KIAA1191: variants seen among roughly 807,000 people sequenced by gnomAD.
The protein encoded by KIAA1191 is putative monooxygenase p33MONOX.
Under a neutral mutation model 31.1 loss-of-function variants are expected in KIAA1191, and 22 were observed. That is an observed-to-expected ratio of 0.71 (90% CI 0.51 to 1.01). The LOEUF (loss-of-function observed/expected upper bound fraction) is 1.01. Among genes scored for constraint, KIAA1191 ranks in the 50% least tolerant of loss-of-function variants. KIAA1191 has a pLI of 0.00. For synonymous variants in KIAA1191, 130 were observed against 143.9 expected, an observed-to-expected ratio of 0.90 and a Z score of 0.69; for missense variants, 319 against 388.0, an observed-to-expected ratio of 0.82 and a Z score of 1.49.
In KIAA1191 at chr5:176,355,773, G is replaced by T; in HGVS notation, c.29-24C>A. The T allele has an allele frequency of 6.2e-7, 1 of 1,611,420 alleles. No homozygotes were observed. The highest frequency in any genetic ancestry group is 8.5e-7 in the Non-Finnish European group (1 of 1,177,748). ...AGCTAAGAACAGAGACACCTGTCAA[G>T]ACAGGTTCAGCAACTGGACATACTA... On this transcript the variant is annotated intron_variant, in intron 3 of 8. Transcript: ENST00000298569. This position sits in a 1 kb window ranked among gnomAD's most constrained non-coding sequence, Gnocchi z 4.2.
Position 176,347,522 on chromosome 5 carries a change from T to C in KIAA1191, c.*78A>G, listed in dbSNP as rs373103117. The C allele has an allele frequency of 1.2e-5, 15 of 1,202,436 alleles. No individual in the cohort carries two copies. The African/African-American group carries it at 1.7e-4, about 14-fold the overall frequency. The allele number at this position is 1,202,436 out of a possible 1,614,324, so 74.5% of individuals were successfully genotyped here. On this transcript the variant is annotated 3_prime_UTR_variant, in exon 9 of 9. Coordinates refer to ENST00000298569, the MANE Select transcript of KIAA1191 (RefSeq NM_020444.5). ...AGCTGATTAAGTTTTTAAATATACCTTTCCTATGTCAAAGCCAAGGTAAAA... is the reference window on the plus strand; with the variant it reads ...AGCTGATTAAGTTTTTAAATATACCCTTCCTATGTCAAAGCCAAGGTAAAA...
At chr5:176,350,462 G>T in intron 6 of KIAA1191, 151 bp downstream of exon 6, 1 of 906,372 alleles carries the variant, frequency 1.1e-6, no homozygotes, top group Non-Finnish European at 1.7e-6. Flanking sequence ...CACTGTATAG[G>T]TGGATAAGCA....
intron 4 of KIAA1191, among the ~76,000 whole-genome samples, chr5:176,354,886 A>G (rs1311290163): frequency 6.6e-6 from 1 of 152,086 alleles, no homozygotes; most frequent in African/African-American, 2.4e-5. Context: ...TATCAGGAGG[A>G]CGGAGATGTC....
intron 3 of KIAA1191, among the ~76,000 whole-genome samples, chr5:176,359,178 G>C (rs1464778807): frequency 6.6e-6 from 1 of 151,192 alleles, no homozygotes; most frequent in African/African-American, 2.4e-5. Context: ...AATTAGCTGG[G>C]TGTGGTGGCG....
intron 4 of KIAA1191, among the ~76,000 whole-genome samples, chr5:176,354,988 G>C (rs565012765): frequency 6.6e-5 from 10 of 152,308 alleles, no homozygotes; most frequent in Non-Finnish European, 1.3e-4. Context: ...GAGAGGACAG[G>C]ATGTGGATGG....
At position 176,355,842 on chromosome 5, in the gene KIAA1191, C is replaced by A; in HGVS notation, c.29-93G>T. On this transcript the variant is annotated intron_variant, in intron 3 of 8. Transcript: ENST00000298569. This position sits in a 1 kb window ranked among gnomAD's most constrained non-coding sequence, Gnocchi z 4.2. ...ACAGGAAGGAAAGCTCTGAAATACT[C>A]TTGTTCTTGAACAGAGCAAAATAGC... 1 of 1,310,930 alleles carries A rather than the reference C, an allele frequency of 7.6e-7. No homozygotes were observed. Among genetic ancestry groups the A allele is most frequent in the Non-Finnish European group, 1.1e-6 (1 of 916,498 alleles). 81.2% of individuals were successfully genotyped at this position (1,310,930 alleles called of 1,614,324 possible). A position where few individuals can be genotyped will look rare whatever the true frequency, so the allele number is the denominator to read the frequency against.
rs1766604605 is a variant in KIAA1191, at chr5:176,347,472, A to G, written c.*128T>C. The G allele has an allele frequency of 1.4e-6, 1 of 723,350 alleles. No individual in the cohort carries two copies. The allele number at this position is 723,350 out of a possible 1,614,324, so 44.8% of individuals were successfully genotyped here. A position where few individuals can be genotyped will look rare whatever the true frequency, so the allele number is the denominator to read the frequency against. On this transcript the variant is annotated 3_prime_UTR_variant, in exon 9 of 9. Coordinates refer to ENST00000298569, the MANE Select transcript of KIAA1191 (RefSeq NM_020444.5). ...TACCTTGGCCTCCCAAAGTGCTGGG[A>G]TTACAGGCGTGAGCCACCACGCCCA...
chr5:176,351,114 G>A (rs939080318), intron 5 of KIAA1191, among the ~76,000 whole-genome samples: 11 of 152,096 alleles, frequency 7.2e-5, no homozygotes, highest in East Asian at 1.9e-4. Flanking sequence ...AGGTCAAGGC[G>A]GGCGGATCAA....
At chr5:176,350,488 A>G (rs1170328244) in intron 6 of KIAA1191, 125 bp downstream of exon 6, 2 of 1,221,698 alleles carry the variant, frequency 1.6e-6, no homozygotes, top group Non-Finnish European at 2.3e-6. Context: ...TACGAGGCTA[A>G]GAGCTCGGGA....
chr5:176,352,178 A>AAAAAAAAC (rs1554119735), intron 5 of KIAA1191, among the ~76,000 whole-genome samples: 5 of 149,024 alleles, frequency 3.4e-5, no homozygotes, highest in Non-Finnish European at 4.4e-5. Context: ...CAAAAAAAAA[A>AAAAAAAAC]ACAAAAACTG....
At position 176,350,702 on chromosome 5, in the gene KIAA1191, G is replaced by A. The variant is rs746348606; in HGVS notation, c.370C>T (p.Gln124Ter). 1 of 1,614,180 alleles carries A rather than the reference G, an allele frequency of 6.2e-7. No individual in the cohort carries two copies. The highest frequency in any genetic ancestry group is 1.3e-5 in the African/African-American group (1 of 75,040). ...TQESIQHFER[Q>*]AGLRDAGYTP... is the part of the protein sequence containing the mutation. ...TAGCCAGCATCTCTCAGCCCTGCCT[G>A]TCGCTCAAAATGCTGAATGCTTTCC... The change falls in exon 6 of 9, where the codon CAG (glutamine) becomes TAG (stop). Residue 124 changes from glutamine (Q) to a stop codon, truncating the protein, a stop_gained. Transcript: ENST00000298569. LOFTEE classifies it high-confidence loss of function.
intron 6 of KIAA1191, among the ~76,000 whole-genome samples, chr5:176,348,591 A>G (rs1042251991): frequency 1.3e-5 from 2 of 150,332 alleles, no homozygotes; most frequent in Admixed American, 6.7e-5. Context: ...CCTGTACTTA[A>G]AGCTTTACAC....
intron 6 of KIAA1191, 145 bp from the exon 7 acceptor site, chr5:176,348,501 T>C (rs1766716848): frequency 1.6e-6 from 1 of 616,670 alleles, no homozygotes. Context: ...ATCTAACAGG[T>C]AGTCCTTTGT....
chr5:176,355,906 G>A lies in KIAA1191; in HGVS notation c.29-157C>T. 3 of 718,634 alleles carry A rather than the reference G, an allele frequency of 4.2e-6. No individual in the cohort carries two copies. The highest frequency in any genetic ancestry group is 3.7e-4 in the Middle Eastern group (1 of 2,706). The allele number at this position is 718,634 out of a possible 1,614,324, so 44.5% of individuals were successfully genotyped here. A position where few individuals can be genotyped will look rare whatever the true frequency, so the allele number is the denominator to read the frequency against. On this transcript the variant is annotated intron_variant, in intron 3 of 8. Transcript: ENST00000298569. This position sits in a 1 kb window ranked among gnomAD's most constrained non-coding sequence, Gnocchi z 4.2. ...GCTAATCCCATCCAGGAAAGGCAGT[G>A]GTACCAATCCCTTCCTCTATGCCTG... is the stretch of plus-strand genomic sequence containing the variant.
intron 7 of KIAA1191, 36 bp downstream of exon 7, chr5:176,348,214 A>G (rs528270755): frequency 3.1e-6 from 5 of 1,601,050 alleles, no homozygotes; most frequent in South Asian, 1.1e-5. Context: ...TTCCTGAAGC[A>G]CGCAGGAACT....
At position 176,347,651 on chromosome 5, in the gene KIAA1191, G is replaced by C. The variant is rs1284575058; in HGVS notation, c.867C>G (p.Ala289=). ...VMEGKKQPPR[A]HNLKPRDLNV... is the part of the protein sequence containing the mutation. ...TCAGGTCACGGGGTTTGAGGTTATGGGCCCGTGGTGGCTGTTTCTTTCCTT... is the reference window on the plus strand; with the variant it reads ...TCAGGTCACGGGGTTTGAGGTTATGCGCCCGTGGTGGCTGTTTCTTTCCTT... The change falls in exon 9 of 9, where the codon GCC becomes GCG. Residue 289 remains alanine (A), a synonymous_variant. Transcript: ENST00000298569. 5 of 1,559,814 alleles carry C rather than the reference G, an allele frequency of 3.2e-6. No homozygotes were observed. In the South Asian group the frequency reaches 6.2e-5, roughly 19 times the overall value.
At chr5:176,352,168 C>CAA (rs950163386) in intron 5 of KIAA1191, among the ~76,000 whole-genome samples, 11 of 138,684 alleles carry the variant, frequency 7.9e-5, no homozygotes, top group Admixed American at 1.4e-4. Context: ...AAAAAAAAAA[C>CAA]AAAAAAAAAA....
chr5:176,352,770 C>T, intron 4 of KIAA1191, 22 bp from the exon 5 acceptor site: 1 of 1,605,204 alleles, frequency 6.2e-7, no homozygotes, highest in Non-Finnish European at 8.5e-7. Flanking sequence ...AGGTACAGTA[C>T]AGAAGCACTT....
chr5:176,352,621 C>A lies in KIAA1191; in HGVS notation c.334+1G>T. 1 of 1,613,334 alleles carries A rather than the reference C, an allele frequency of 6.2e-7. No homozygotes were observed. The highest frequency in any genetic ancestry group is 8.5e-7 in the Non-Finnish European group (1 of 1,179,532). On this transcript the variant is annotated splice_donor_variant, in intron 5 of 8. Transcript: ENST00000298569. LOFTEE classifies it high-confidence loss of function. ...CTACTCTGAGGGTGAAGAGTGCTTA[C>A]TTGTGATCAGAGAATTCATGATGAC...
Sources: allele counts gnomAD v4.1 joint callset (sites outside exome capture counted in the v4.1 genomes callset), GRCh38; gene constraint gnomAD v4.1.1; non-coding constraint Gnocchi (gnomAD v3.1); transcripts MANE v1.5; gene names NCBI Gene and HGNC (gene_info 2026-07-23, HGNC 2026-07-21).